The following ZBTB16 variants were observed in gnomAD, a reference collection of about 807,000 sequenced individuals.
ZBTB16 encodes the protein zinc finger and BTB domain containing 16, also known as zinc finger and BTB domain-containing protein 16.
In ZBTB16, 8 loss-of-function variants were observed where a neutral mutation model predicts 56.8. That is an observed-to-expected ratio of 0.14 (90% CI 0.08 to 0.25). ZBTB16 has a LOEUF of 0.25. Ranked by LOEUF, ZBTB16 falls within the 10% of genes least tolerant of loss-of-function variation. ZBTB16 has a pLI of 1.00. For synonymous variants in ZBTB16, 363 were observed against 368.5 expected, an observed-to-expected ratio of 0.98 and a Z score of 0.17; for missense variants, 625 against 903.0, an observed-to-expected ratio of 0.69 and a Z score of 3.95.
intron 2 of ZBTB16, among the ~76,000 whole-genome samples, chr11:114,084,404 G>C (rs1939887672): frequency 6.6e-6 from 1 of 152,222 alleles, no homozygotes; most frequent in Non-Finnish European, 1.5e-5. Flanking sequence ...TCTTCCCTCA[G>C]AGTGTCCAAC....
At chr11:114,069,376 C>T (rs999984943) in intron 2 of ZBTB16, among the ~76,000 whole-genome samples, 2 of 152,226 alleles carry the variant, frequency 1.3e-5, no homozygotes, top group African/African-American at 2.4e-5. Context: ...TGAGCCACCA[C>T]GCCCGGCCTA....
At chr11:114,227,406 C>G (rs1944349671) in intron 4 of ZBTB16, among the ~76,000 whole-genome samples, 1 of 152,238 alleles carries the variant, frequency 6.6e-6, no homozygotes, top group African/African-American at 2.4e-5. Flanking sequence ...AGCCTATCCC[C>G]CCTCATGTTA....
intron 2 of ZBTB16, among the ~76,000 whole-genome samples, chr11:114,136,861 C>T (rs1941810027): frequency 6.6e-6 from 1 of 152,144 alleles, no homozygotes; most frequent in African/African-American, 2.4e-5. Context: ...CTCGTGCTGT[C>T]TCTGGGGTTT....
chr11:114,208,535 A>G (rs1248102190), intron 4 of ZBTB16, among the ~76,000 whole-genome samples: 1 of 152,128 alleles, frequency 6.6e-6, no homozygotes, highest in Non-Finnish European at 1.5e-5. Flanking sequence ...TTCAGATGTA[A>G]GGTGATGTCA....
intron 2 of ZBTB16, among the ~76,000 whole-genome samples, chr11:114,129,670 A>G (rs926564929): frequency 6.6e-6 from 1 of 152,204 alleles, no homozygotes; most frequent in African/African-American, 2.4e-5. Context: ...TCCATTTGCC[A>G]TGGTCAGAAG....
At chr11:114,249,971 T>C (rs1944890448) in intron 6 of ZBTB16, among the ~76,000 whole-genome samples, 1 of 152,014 alleles carries the variant, frequency 6.6e-6, no homozygotes, top group Non-Finnish European at 1.5e-5. Flanking sequence ...TTTCTCTTTC[T>C]AGACACCCAT....
chr11:114,066,180 G>A (rs1939109060), intron 2 of ZBTB16, among the ~76,000 whole-genome samples: 1 of 152,212 alleles, frequency 6.6e-6, no homozygotes, highest in African/African-American at 2.4e-5. Context: ...GGATGTGAGT[G>A]AGAGGGGTTG....
At chr11:114,242,030 TG>T in intron 4 of ZBTB16, 136 bp from the exon 5 acceptor site, 1 of 1,171,064 alleles carries the variant, frequency 8.5e-7, no homozygotes, top group Non-Finnish European at 1.2e-6. Context: ...TTGCATAGCC[TG>T]GGCCCACTCT....
intron 4 of ZBTB16, among the ~76,000 whole-genome samples, chr11:114,216,411 G>A (rs1944097847): frequency 6.6e-6 from 1 of 152,150 alleles, no homozygotes; most frequent in African/African-American, 2.4e-5. Context: ...CTGATAAATT[G>A]CTGTTCCAGT....
intron 3 of ZBTB16, among the ~76,000 whole-genome samples, chr11:114,183,748 G>A (rs2135051556): frequency 6.6e-6 from 1 of 152,364 alleles, no homozygotes; most frequent in South Asian, 2.1e-4. Flanking sequence ...AATTGTGAGG[G>A]AGCTGTGACT....
At chr11:114,189,391 C>A (rs1943438544) in intron 4 of ZBTB16, 2 of 152,162 alleles carry the variant, frequency 1.3e-5, no homozygotes, top group South Asian at 2.1e-4. Flanking sequence ...CTGCTTCACA[C>A]CCACTACAAT....
intron 3 of ZBTB16, among the ~76,000 whole-genome samples, chr11:114,182,085 C>T (rs1344490485): frequency 6.6e-6 from 1 of 152,174 alleles, no homozygotes; most frequent in Non-Finnish European, 1.5e-5. Flanking sequence ...GGGTTTCACT[C>T]CTGTTTCCCA....
At chr11:114,116,483 C>A (rs1454054284) in intron 2 of ZBTB16, among the ~76,000 whole-genome samples, 2 of 152,204 alleles carry the variant, frequency 1.3e-5, no homozygotes, top group Non-Finnish European at 2.9e-5. Flanking sequence ...CATTTGAAAA[C>A]CTCTCAGGGC....
intron 5 of ZBTB16, among the ~76,000 whole-genome samples, chr11:114,245,038 GA>G (rs1345317431): frequency 1.3e-5 from 2 of 152,246 alleles, no homozygotes; most frequent in African/African-American, 4.8e-5. Context: ...TTGGATGTCA[GA>G]CCAGACAGGG....
intron 4 of ZBTB16, among the ~76,000 whole-genome samples, chr11:114,193,054 G>A (rs954535393): frequency 1.3e-5 from 2 of 152,188 alleles, no homozygotes; most frequent in Non-Finnish European, 2.9e-5. Context: ...ACCAACTCAG[G>A]CACATGCCCT....
At chr11:114,070,722 A>G (rs1939315773) in intron 2 of ZBTB16, among the ~76,000 whole-genome samples, 1 of 152,172 alleles carries the variant, frequency 6.6e-6, no homozygotes, top group African/African-American at 2.4e-5. Flanking sequence ...GGAGGCTACA[A>G]CCATCTTCCT....
At chr11:114,218,510 G>A (rs1476724100) in intron 4 of ZBTB16, among the ~76,000 whole-genome samples, 2 of 152,164 alleles carry the variant, frequency 1.3e-5, no homozygotes, top group African/African-American at 4.8e-5. Flanking sequence ...TTGGCACTTC[G>A]GGACCAGCTG....
chr11:114,157,997 C>A (rs1027910869), intron 3 of ZBTB16, among the ~76,000 whole-genome samples: 6 of 152,076 alleles, frequency 3.9e-5, no homozygotes, highest in Admixed American at 2.0e-4. Flanking sequence ...TTGACACTCA[C>A]GTACACTTTT....
intron 5 of ZBTB16, among the ~76,000 whole-genome samples, chr11:114,245,256 T>C (rs2135206791): frequency 6.6e-6 from 1 of 152,328 alleles, no homozygotes; most frequent in Non-Finnish European, 1.5e-5. Flanking sequence ...CCCTGGGCCT[T>C]GGCCCATCCC....
Sources: gnomAD v4.1 joint callset for allele counts (sites outside exome capture counted in the v4.1 genomes callset) on GRCh38, gnomAD v4.1.1 for gene constraint, MANE v1.5 for transcripts, NCBI Gene and HGNC (gene_info 2026-07-23, HGNC 2026-07-21) for gene names.